The following HFM1 variants were observed in gnomAD, a reference collection of about 807,000 sequenced individuals.
HFM1 encodes the protein probable ATP-dependent DNA helicase HFM1.
In HFM1, 169 loss-of-function variants were observed where a neutral mutation model predicts 192.1. The ratio of observed to expected loss-of-function variants is 0.88; its 90% confidence interval spans 0.78 to 1.00. The LOEUF is 1.00. Among genes scored for constraint, HFM1 ranks in the 50% least tolerant of loss-of-function variants. The probability of loss-of-function intolerance (pLI) is 0.00; values close to 1 mark genes in which losing one functional copy is unlikely to be tolerated. For synonymous variants in HFM1, 525 were observed against 537.8 expected (o/e 0.98, Z 0.33); for missense variants, 1,661 against 1,668.0 (o/e 1.00, Z 0.07).
chr1:91,388,625 A>G (rs544194269), intron 4 of HFM1, among the ~76,000 whole-genome samples: 3 of 152,364 alleles, frequency 2.0e-5, no homozygotes, highest in Non-Finnish European at 2.9e-5. Flanking sequence ...AAATGTAAAC[A>G]TAAGAGCTAA....
chr1:91,283,165 G>A (rs970502243), intron 30 of HFM1, among the ~76,000 whole-genome samples: 9 of 152,084 alleles, frequency 5.9e-5, no homozygotes, highest in African/African-American at 2.2e-4. Context: ...CCTGAGAATT[G>A]TCTGAATTTA....
intron 13 of HFM1, among the ~76,000 whole-genome samples, 153 bp downstream of exon 13, chr1:91,375,201 ACTAT>A (rs1176508979): frequency 6.6e-6 from 1 of 152,116 alleles, no homozygotes; most frequent in Non-Finnish European, 1.5e-5. Context: ...ACGAAGATTC[ACTAT>A]CTCACTTAAT....
At position 91,328,882 on chromosome 1, in the gene HFM1, G is replaced by C. The variant is rs1557858636; in HGVS notation, c.2336-4116C>G. 4 of 1,610,818 alleles carry C rather than the reference G, an allele frequency of 2.5e-6. No individual in the cohort carries two copies. The East Asian group carries it at 8.9e-5, about 36-fold the overall frequency. On this transcript the variant is annotated intron_variant, in intron 20 of 38. Coordinates refer to ENST00000370425, the MANE Select transcript of HFM1 (RefSeq NM_001017975.6). Reference sequence around the variant, plus strand: ...CAGAGGCCAGCTGTGCTGCCCTGGTGAAGGCTGGCAAAGTCTATCCTGTGG... The same window carrying C: ...CAGAGGCCAGCTGTGCTGCCCTGGTCAAGGCTGGCAAAGTCTATCCTGTGG...
chr1:91,374,101 G>A lies in HFM1; in HGVS notation c.1685+1257C>T, dbSNP rs922967562. Among the ~76,000 whole-genome samples the A allele has an allele frequency of 4.6e-5, 7 of 152,266 alleles. No individual in the cohort carries two copies. In the South Asian group the frequency reaches 1.2e-3, roughly 27 times the overall value. On this transcript the variant is annotated intron_variant, in intron 13 of 38. Transcript: ENST00000370425. ...GACATGAAGGATAAATAGGAGTTAG[G>A]TGAAAACCATTCCAGTAAAAGCAAG... is the stretch of plus-strand genomic sequence containing the variant.
intron 30 of HFM1, among the ~76,000 whole-genome samples, chr1:91,312,074 GATGT>G (rs1488735425): frequency 5.3e-5 from 8 of 152,186 alleles, no homozygotes; most frequent in Admixed American, 2.0e-4. Context: ...GATTTCAGAA[GATGT>G]ATGGAAATGC....
intron 20 of HFM1, among the ~76,000 whole-genome samples, chr1:91,330,254 TA>T (rs918393514): frequency 2.7e-5 from 4 of 146,316 alleles, no homozygotes; most frequent in African/African-American, 1.0e-4. Flanking sequence ...ATTATAAAAG[TA>T]AAAAAAAAGA....
At chr1:91,374,848 T>C (rs927865087) in intron 13 of HFM1, among the ~76,000 whole-genome samples, 1 of 152,116 alleles carries the variant, frequency 6.6e-6, no homozygotes, top group Non-Finnish European at 1.5e-5. Flanking sequence ...TTCATGTGAG[T>C]ACTTACAAAC....
intron 34 of HFM1, among the ~76,000 whole-genome samples, chr1:91,271,443 G>A (rs1295334035): frequency 6.6e-6 from 1 of 152,074 alleles, no homozygotes; most frequent in East Asian, 1.9e-4. Flanking sequence ...GTCATTTTGA[G>A]TAGAATTTTT....
At chr1:91,284,953 G>A (rs764989279) in intron 30 of HFM1, among the ~76,000 whole-genome samples, 5 of 152,146 alleles carry the variant, frequency 3.3e-5, no homozygotes, top group Non-Finnish European at 7.3e-5. Flanking sequence ...TTGTGGGAGA[G>A]ACCTGGGGGA....
chr1:91,306,215 C>A (rs1254831874), intron 30 of HFM1, among the ~76,000 whole-genome samples: 1 of 152,006 alleles, frequency 6.6e-6, no homozygotes, highest in Non-Finnish European at 1.5e-5. Flanking sequence ...TGCCTGTAAT[C>A]CCAGCACTCG....
intron 36 of HFM1, among the ~76,000 whole-genome samples, chr1:91,264,513 C>T (rs1331567704): frequency 6.7e-6 from 1 of 148,468 alleles, no homozygotes; most frequent in Non-Finnish European, 1.5e-5. Context: ...GCTGGGACTA[C>T]AGGCGCCCGC....
intron 32 of HFM1, among the ~76,000 whole-genome samples, chr1:91,276,123 T>G (rs879657948): frequency 2.0e-5 from 3 of 152,190 alleles, no homozygotes; most frequent in Non-Finnish European, 4.4e-5. Context: ...ATGCTTGGAA[T>G]ATTTAGCTAT....
At chr1:91,323,019 A>G (rs754869319) in intron 22 of HFM1, 22 bp from the exon 23 acceptor site, 2 of 1,361,210 alleles carry the variant, frequency 1.5e-6, no homozygotes, top group South Asian at 3.1e-5. Context: ...ACCACATGGC[A>G]AAACATTTAT....
chr1:91,376,836 T>C (rs117835932), intron 11 of HFM1, among the ~76,000 whole-genome samples: 2 of 151,884 alleles, frequency 1.3e-5, no homozygotes, highest in African/African-American at 4.8e-5. Context: ...GAAGTGTAAA[T>C]GAATATAACA....
intron 30 of HFM1, among the ~76,000 whole-genome samples, chr1:91,313,077 A>G (rs1471525904): frequency 1.3e-5 from 2 of 152,130 alleles, no homozygotes; most frequent in Non-Finnish European, 2.9e-5. Context: ...TTTTCTTCCC[A>G]GTCTCAGGTA....
chr1:91,380,177 TAC>T lies in HFM1; in HGVS notation c.931_932del (p.Val311SerfsTer3). On this transcript the variant is annotated frameshift_variant, in exon 8 of 39. Coordinates refer to ENST00000370425, the MANE Select transcript of HFM1 (RefSeq NM_001017975.6). LOFTEE classifies it high-confidence loss of function. ...ATCTTGTTATAGCTAGTTCAAACAC[TAC>T]AGTTTTTCCAGAACCAGTTGGAGCA... ...ICAPTGSGKT[V>X]VFELAITRLL... 7.7e-6 allele frequency: 12 copies of T among 1,563,670 alleles called. No individual in the cohort carries two copies. The highest frequency in any genetic ancestry group is 8.7e-6 in the Non-Finnish European group (10 of 1,143,004).
At chr1:91,342,035 C>T (rs2101634152) in intron 20 of HFM1, among the ~76,000 whole-genome samples, 1 of 150,236 alleles carries the variant, frequency 6.7e-6, no homozygotes, top group Middle Eastern at 3.5e-3. Flanking sequence ...GGCACCAATC[C>T]TACTGAAACT....
intron 30 of HFM1, among the ~76,000 whole-genome samples, chr1:91,282,857 A>G (rs1312541606): frequency 2.0e-5 from 3 of 152,188 alleles, no homozygotes; most frequent in African/African-American, 7.2e-5. Flanking sequence ...GAACTTCTAA[A>G]AAAGATGCAT....
At position 91,385,216 on chromosome 1, in the gene HFM1, A is replaced by G. The variant is rs753477544; in HGVS notation, c.773T>C (p.Leu258Ser). 38 of 1,568,680 alleles carry G rather than the reference A, an allele frequency of 2.4e-5. No individual in the cohort carries two copies. The highest frequency in any genetic ancestry group is 3.4e-4 in the Middle Eastern group (2 of 5,962). ...HDIQEVTENG[L>S]GSLKAVTEIP... ...TTCTGTGACAGCCTTCAAGGAACCT[A>G]AACCATTTTCTGTTACCTCTGAAAA... Residue 258 changes from leucine (L) to serine (S), a missense_variant, in exon 6 of 39, where the codon TTA (leucine) becomes TCA (serine). Leu to Ser is a moderately radical substitution (Grantham distance 145). Transcript: ENST00000370425.
Sources: gnomAD v4.1 joint callset for allele counts (sites outside exome capture counted in the v4.1 genomes callset) on GRCh38, gnomAD v4.1.1 for gene constraint, MANE v1.5 for transcripts, NCBI Gene and HGNC (gene_info 2026-07-23, HGNC 2026-07-21) for gene names.